LTBP3: variants seen among roughly 807,000 people sequenced by gnomAD.
LTBP3 encodes latent-transforming growth factor beta-binding protein 3.
A neutral mutation model predicts 159.7 loss-of-function variants in LTBP3; 97 were observed. That is an observed-to-expected ratio of 0.61 (90% CI 0.52 to 0.72). The LOEUF (loss-of-function observed/expected upper bound fraction) is 0.72, where lower values mean the gene tolerates loss of function less well. Ranked by LOEUF, LTBP3 falls within the 30% of genes least tolerant of loss-of-function variation. LTBP3 has a pLI of 0.00. For missense variants in LTBP3, 1,584 were observed against 1,864.3 expected (o/e 0.85, Z 2.77); for synonymous variants, 824 against 777.1 (o/e 1.06, Z -1.00).
rs1856677565 is a variant in LTBP3 at position 65,553,271 on chromosome 11, T to C, written c.971-15A>G. The stretch of plus-strand genomic sequence containing the variant: ...CACTCCTGTGTCTGCAGAGAGAGGA[T>C]AGCTTGGCAGGGGAGGGTGAGGAGG... On this transcript the variant is annotated splice_polypyrimidine_tract_variant and intron_variant, in intron 4 of 27. Coordinates refer to ENST00000301873, the MANE Select transcript of LTBP3 (RefSeq NM_001130144.3). The surrounding 1 kb of genome is among the most constrained non-coding windows in gnomAD (Gnocchi z 6.5). 4 of 1,609,542 alleles carry C rather than the reference T, an allele frequency of 2.5e-6. No homozygotes were observed. Among genetic ancestry groups the C allele is most frequent in the Admixed American group, 1.7e-5 (1 of 59,916 alleles).
intron 11 of LTBP3, among the ~76,000 whole-genome samples, 178 bp downstream of exon 11, chr11:65,550,948 G>A (rs772417952): frequency 6.6e-5 from 10 of 152,260 alleles, no homozygotes; most frequent in Non-Finnish European, 1.5e-4. Context: ...TAACCACCAT[G>A]CTACCTGGAT....
chr11:65,542,928 AGAAG>A (rs1172913542), intron 18 of LTBP3, 173 bp downstream of exon 18: 2 of 812,706 alleles, frequency 2.5e-6, no homozygotes, highest in African/African-American at 2.0e-5. Flanking sequence ...ATGGATGGAT[AGAAG>A]GATGGATGGA....
At chr11:65,551,790 AG>A in intron 8 of LTBP3, 181 bp downstream of exon 8, 1 of 921,824 alleles carries the variant, frequency 1.1e-6, no homozygotes, top group Non-Finnish European at 1.7e-6. Context: ...AAGGCTTAGG[AG>A]GTTATAGCTC....
At position 65,553,773 on chromosome 11, in the gene LTBP3, C is replaced by T. The variant is rs759226650; in HGVS notation, c.792G>A (p.Lys264=). The T allele has an allele frequency of 3.2e-6, 5 of 1,570,128 alleles. No individual in the cohort carries two copies. In the Admixed American group the frequency reaches 9.0e-5, roughly 28 times the overall value. ...APSQHLLPHP[K]PSHPRPPTQK... is the part of the protein sequence containing the mutation. ...GGGTGGGCGGCCGGGGGTGCGAGGG[C>T]TTGGGGTGCGGCAGCAGGTGCTGGG... The change falls in exon 3 of 28, where the codon AAG becomes AAA. Residue 264 remains lysine (K), a synonymous_variant. Coordinates refer to ENST00000301873, the MANE Select transcript of LTBP3 (RefSeq NM_001130144.3). This position sits in a 1 kb window ranked among gnomAD's most constrained non-coding sequence, Gnocchi z 6.5.
At position 65,554,523 on chromosome 11, in the gene LTBP3, G is replaced by C. The variant is rs1393940314; in HGVS notation, c.332-143C>G. On this transcript the variant is annotated intron_variant, in intron 1 of 27. Transcript: ENST00000301873. The surrounding 1 kb of genome is among the most constrained non-coding windows in gnomAD (Gnocchi z 5.3). ...TACATAGGGAAACTGCCCTCTCTAGGTTCCCCAACATCCTTACACCTATGT... is the reference window on the plus strand; with the variant it reads ...TACATAGGGAAACTGCCCTCTCTAGCTTCCCCAACATCCTTACACCTATGT... The C allele has an allele frequency of 7.8e-6, 5 of 641,892 alleles. No homozygotes were observed. The African/African-American group carries it at 9.2e-5, about 12-fold the overall frequency. The allele number at this position is 641,892 out of a possible 1,614,324, so 39.8% of individuals were successfully genotyped here. A position where few individuals can be genotyped will look rare whatever the true frequency, so the allele number is the denominator to read the frequency against.
rs1326970862 is a variant in LTBP3, at chr11:65,555,603, G to T, written c.332-1223C>A. ...CTCCTTATAGAGGGTGCTCTGGAAGGCAGGGCCAGGCTGGCCTCAGCTCTG... is the reference window on the plus strand; with the variant it reads ...CTCCTTATAGAGGGTGCTCTGGAAGTCAGGGCCAGGCTGGCCTCAGCTCTG... On this transcript the variant is annotated intron_variant, in intron 1 of 27. Transcript: ENST00000301873. Among the ~76,000 whole-genome samples, 5 of 152,200 alleles carry T rather than the reference G, an allele frequency of 3.3e-5. No individual in the cohort carries two copies. The East Asian group carries it at 5.8e-4, about 18-fold the overall frequency.
In LTBP3 at chr11:65,539,449, A is replaced by G; in HGVS notation, c.3639T>C (p.Ser1213=). The G allele has an allele frequency of 2.6e-6, 4 of 1,563,030 alleles. No homozygotes were observed. Among genetic ancestry groups the G allele is most frequent in the Non-Finnish European group, 3.5e-6 (4 of 1,153,720 alleles). Residue 1213 remains serine, a synonymous_variant, in exon 27 of 28, where the codon AGT becomes AGC. Transcript: ENST00000301873. ...GACACTCGTCTGAATCCTCCTCTGA[A>G]CTGTCCTCATCTGCGTGGCCCGGAA... The part of the protein sequence containing the change: ...LLGKPPRDED[S]SEEDSDECRC...
rs1284815329 is a variant in LTBP3 at position 65,540,595 on chromosome 11, C to T, written c.2997G>A (p.Leu999=). 5.6e-6 allele frequency: 9 copies of T among 1,613,068 alleles called. No homozygotes were observed. Among genetic ancestry groups the T allele is most frequent in the Non-Finnish European group, 7.6e-6 (9 of 1,179,604 alleles). Residue 999 remains leucine, a synonymous_variant, in exon 22 of 28, where the codon TTG becomes TTA. Coordinates refer to ENST00000301873, the MANE Select transcript of LTBP3 (RefSeq NM_001130144.3). ...CCTCCTTGCAAATCTCCGACCCGAA[C>T]AACATGCACTCGTCGATGTCTGCGG... ...PAHRDIDECM[L]FGSEICKEGK...
At position 65,553,636 on chromosome 11, in the gene LTBP3, G is replaced by A. The variant is rs116684543; in HGVS notation, c.864+65C>T. Reference sequence around the variant, plus strand: ...CCCGCCCCTCAGTTTTCTGCTATCCGAGTGAGTTGGGGCAGAGCAACCCTG... The same window carrying A: ...CCCGCCCCTCAGTTTTCTGCTATCCAAGTGAGTTGGGGCAGAGCAACCCTG... On this transcript the variant is annotated intron_variant, in intron 3 of 27. Transcript: ENST00000301873. This position sits in a 1 kb window ranked among gnomAD's most constrained non-coding sequence, Gnocchi z 6.5. 2,822 of 1,524,524 alleles carry A rather than the reference G, an allele frequency of 1.9e-3. 45 individuals are homozygous for A. The African/African-American group carries it at 0.032, about 17-fold the overall frequency. The allele number at this position is 1,524,524 out of a possible 1,614,324, so 94.4% of individuals were successfully genotyped here. A position where few individuals can be genotyped will look rare whatever the true frequency, so the allele number is the denominator to read the frequency against.
Position 65,540,106 on chromosome 11 carries a change from C to G in LTBP3, c.3292G>C (p.Val1098Leu), listed in dbSNP as rs1005265947. 23 of 1,526,526 alleles carry G rather than the reference C, an allele frequency of 1.5e-5. No homozygotes were observed. The highest frequency in any genetic ancestry group is 2.0e-5 in the Admixed American group (1 of 50,416). The allele number at this position is 1,526,526 out of a possible 1,614,324, so 94.6% of individuals were successfully genotyped here. The change falls in exon 24 of 28, where the codon GTC becomes CTC. Residue 1098 changes from valine (V) to leucine (L), a missense_variant. Val to Leu is a conservative substitution (Grantham distance 32, BLOSUM62 1). Coordinates refer to ENST00000301873, the MANE Select transcript of LTBP3 (RefSeq NM_001130144.3). ...CAGCGGTAGGAGCCCGGCAGGTTGA[C>G]GCAGCGGCCAGGGCGGCAGGCTGCC... ...DPAACRPGRC[V>L]NLPGSYRCEC...
At position 65,547,420 on chromosome 11, in the gene LTBP3, C is replaced by T; in HGVS notation, c.2107+19G>A. The T allele has an allele frequency of 6.2e-7, 1 of 1,611,886 alleles. No individual in the cohort carries two copies. ...ACAGCTAAGGAGCTCCTTCTTTGGT[C>T]TGAATGGGGTCCCCTCACCTTCGCA... is the stretch of plus-strand genomic sequence containing the variant. On this transcript the variant is annotated intron_variant, in intron 14 of 27. Transcript: ENST00000301873. The surrounding 1 kb of genome is among the most constrained non-coding windows in gnomAD (Gnocchi z 4.6).
At position 65,547,695 on chromosome 11, in the gene LTBP3, C is replaced by A; in HGVS notation, c.1973G>T (p.Cys658Phe). The A allele has an allele frequency of 6.2e-7, 1 of 1,605,884 alleles. No homozygotes were observed. Among genetic ancestry groups the A allele is most frequent in the Non-Finnish European group, 8.5e-7 (1 of 1,177,864 alleles). ...RLHVGAGGRS[C>F]VDLNECAKPH... ...TCCGCCCTGGCGGCGCTCACCCACG[C>A]ACGAGCGCCCCCCGGCGCCCACGTG... The change falls in exon 13 of 28, where the codon TGC (cysteine) becomes TTC (phenylalanine). Residue 658 changes from cysteine to phenylalanine, a missense_variant. By Grantham distance (205) the Cys-to-Phe change is radical (BLOSUM62 -2). Transcript: ENST00000301873. This position sits in a 1 kb window ranked among gnomAD's most constrained non-coding sequence, Gnocchi z 4.6.
At chr11:65,542,072 C>A (rs1856159306) in intron 18 of LTBP3, 2 of 354,930 alleles carry the variant, frequency 5.6e-6, no homozygotes, top group African/African-American at 4.3e-5. Flanking sequence ...AGGGCACCCT[C>A]CCCTCCTCTG....
chr11:65,551,496 G>T (rs754782642), intron 9 of LTBP3, 22 bp from the exon 10 acceptor site: 1 of 1,613,928 alleles, frequency 6.2e-7, no homozygotes, highest in Non-Finnish European at 8.5e-7. Context: ...AGCAGCATGA[G>T]CCCTCCTGTC....
rs760470799 is a variant in LTBP3 at position 65,554,153 on chromosome 11, C to T, written c.559G>A (p.Ala187Thr). The change falls in exon 2 of 28, where the codon GCC becomes ACC. Residue 187 changes from alanine to threonine, a missense_variant. This residue lies in a region of LTBP3 where 194 missense variants were observed against 198.7 expected (regional missense o/e 0.98). Transcript: ENST00000301873. This position sits in a 1 kb window ranked among gnomAD's most constrained non-coding sequence, Gnocchi z 5.3. ...GGAGGGTCAGCGATCACCTGGACGG[C>T]GTAGATGGCGTGCTTGCTGGCCACA... Reference protein sequence around the residue: ...DSVASKHAIYAVQVIADPPGP... With the variant: ...DSVASKHAIYTVQVIADPPGP... 1.9e-6 allele frequency: 3 copies of T among 1,611,886 alleles called. No individual in the cohort carries two copies. The South Asian group carries it at 3.3e-5, about 18-fold the overall frequency.
At position 65,553,614 on chromosome 11, in the gene LTBP3, G is replaced by A. The variant is rs1156367983; in HGVS notation, c.865-84C>T. ...GGGTTGGGCCTTTTCCTCTTCCCCC[G>A]CCCCTCAGTTTTCTGCTATCCGAGT... On this transcript the variant is annotated intron_variant, in intron 3 of 27. Coordinates refer to ENST00000301873, the MANE Select transcript of LTBP3 (RefSeq NM_001130144.3). The surrounding 1 kb of genome is among the most constrained non-coding windows in gnomAD (Gnocchi z 6.5). 1 of 1,506,224 alleles carries A rather than the reference G, an allele frequency of 6.6e-7. No homozygotes were observed. Among genetic ancestry groups the A allele is most frequent in the East Asian group, 2.4e-5 (1 of 41,838 alleles). 93.3% of individuals were successfully genotyped at this position (1,506,224 alleles called of 1,614,324 possible).
At chr11:65,545,953 G>A (rs1157155484) in intron 16 of LTBP3, among the ~76,000 whole-genome samples, 2 of 152,058 alleles carry the variant, frequency 1.3e-5, no homozygotes, top group African/African-American at 4.8e-5. Context: ...CTGCCATGCT[G>A]TTCCTCTCCT....
At position 65,553,891 on chromosome 11, in the gene LTBP3, G is replaced by A. The variant is rs773254858; in HGVS notation, c.674C>T (p.Pro225Leu). The A allele has an allele frequency of 3.3e-5, 51 of 1,549,184 alleles. No individual in the cohort carries two copies. The highest frequency in any genetic ancestry group is 4.2e-5 in the Non-Finnish European group (48 of 1,153,314). Reference protein sequence around the residue: ...GQISAEVQAPPPVVNVRVHHP... With the variant: ...GQISAEVQAPLPVVNVRVHHP... ...ATGGACGCGCACATTCACCACGGGG[G>A]GCGGGGCCTGCACTGGGGGCGGGCG... Residue 225 changes from proline to leucine, a missense_variant, in exon 3 of 28, where the codon CCC becomes CTC. By Grantham distance (98) the Pro-to-Leu change is moderately conservative. This residue lies in a region of LTBP3 where 194 missense variants were observed against 198.7 expected (regional missense o/e 0.98). Transcript: ENST00000301873. This position sits in a 1 kb window ranked among gnomAD's most constrained non-coding sequence, Gnocchi z 6.5.
Position 65,553,550 on chromosome 11 carries a change from G to A in LTBP3, c.865-20C>T, listed in dbSNP as rs774675296. The stretch of plus-strand genomic sequence containing the variant: ...GCCACACTAGGGGAAGGAGGGGGAG[G>A]TGGGGTCACAGAGCACCCCGCCCCG... On this transcript the variant is annotated intron_variant, in intron 3 of 27. Transcript: ENST00000301873. This position sits in a 1 kb window ranked among gnomAD's most constrained non-coding sequence, Gnocchi z 6.5. The A allele has an allele frequency of 6.6e-7, 1 of 1,523,410 alleles. No homozygotes were observed. Among genetic ancestry groups the A allele is most frequent in the South Asian group, 1.1e-5 (1 of 88,870 alleles). 94.4% of individuals were successfully genotyped at this position (1,523,410 alleles called of 1,614,324 possible).
Sources: allele counts gnomAD v4.1 joint callset (sites outside exome capture counted in the v4.1 genomes callset), GRCh38; gene constraint gnomAD v4.1.1; regional missense constraint gnomAD v4.1.1; non-coding constraint Gnocchi (gnomAD v3.1); transcripts MANE v1.5; gene names NCBI Gene and HGNC (gene_info 2026-07-23, HGNC 2026-07-21).